The following C8orf34 variants were observed in gnomAD, a reference collection of about 807,000 sequenced individuals.
C8orf34 encodes chromosome 8 open reading frame 34.
In C8orf34, 65 loss-of-function variants were observed where a neutral mutation model predicts 68.3. The ratio of observed to expected loss-of-function variants is 0.95; its 90% CI spans 0.78 to 1.17. C8orf34 has a LOEUF of 1.17. Among genes scored for constraint, C8orf34 ranks in the 50% most tolerant of loss-of-function variants. C8orf34 has a pLI of 0.00. For synonymous variants in C8orf34, 244 were observed against 241.2 expected (o/e 1.01, Z -0.11); for missense variants, 664 against 655.4 (o/e 1.01, Z -0.14).
intron 1 of C8orf34, among the ~76,000 whole-genome samples, chr8:68,421,226 A>T (rs1439380274): frequency 1.3e-5 from 2 of 152,222 alleles, no homozygotes; most frequent in African/African-American, 4.8e-5. Flanking sequence ...CTTGGGCATT[A>T]TTCAACAGGA....
At chr8:68,704,287 G>C (rs1585755003) in intron 8 of C8orf34, among the ~76,000 whole-genome samples, 1 of 152,120 alleles carries the variant, frequency 6.6e-6, no homozygotes, top group African/African-American at 2.4e-5. Flanking sequence ...AGAAGGAAAA[G>C]CTAGAAATAA....
rs116525344 is a variant in C8orf34, at chr8:68,528,632, G to A, written c.939-4351G>A. On this transcript the variant is annotated intron_variant, in intron 6 of 13. Coordinates refer to ENST00000518698, the MANE Select transcript of C8orf34 (RefSeq NM_052958.4). ...GAAGGACACATGGCCACACTGGCCA[G>A]TATCACTGAATTCACGACCACCAAA... Among the ~76,000 whole-genome samples the A allele has an allele frequency of 3.6e-3, 555 of 152,314 alleles. 1 individual carries two copies. Among genetic ancestry groups the A allele is most frequent in the African/African-American group, 0.012 (505 of 41,566 alleles).
intron 1 of C8orf34, among the ~76,000 whole-genome samples, chr8:68,437,380 C>T (rs1255659077): frequency 6.6e-6 from 1 of 152,084 alleles, no homozygotes; most frequent in African/African-American, 2.4e-5. Flanking sequence ...CTTTAAAGTT[C>T]CATTACCTGA....
At chr8:68,536,291 C>T (rs921080034) in intron 7 of C8orf34, among the ~76,000 whole-genome samples, 5 of 129,326 alleles carry the variant, frequency 3.9e-5, no homozygotes, top group South Asian at 2.6e-4. Context: ...TCTGGAAGGT[C>T]GAGTCTGCAG....
At chr8:68,579,084 C>T (rs1816988246) in intron 7 of C8orf34, among the ~76,000 whole-genome samples, 1 of 152,094 alleles carries the variant, frequency 6.6e-6, no homozygotes, top group African/African-American at 2.4e-5. Flanking sequence ...CTGTTTTAGA[C>T]TCTGTCCCTC....
At chr8:68,770,579 A>G (rs1438428162) in intron 10 of C8orf34, among the ~76,000 whole-genome samples, 4 of 152,148 alleles carry the variant, frequency 2.6e-5, no homozygotes, top group Non-Finnish European at 5.9e-5. Context: ...CTTGTCCAAC[A>G]TCCACTGATA....
chr8:68,517,183 A>T (rs759730336), intron 5 of C8orf34, among the ~76,000 whole-genome samples: 1 of 152,166 alleles, frequency 6.6e-6, no homozygotes, highest in Non-Finnish European at 1.5e-5. Flanking sequence ...ATGTTATATG[A>T]AGTGTTTAGA....
intron 8 of C8orf34, among the ~76,000 whole-genome samples, chr8:68,650,539 G>GTA (rs1370399849): frequency 6.7e-6 from 1 of 148,252 alleles, no homozygotes. Context: ...GAGTGCAGTG[G>GTA]CAGGATCTCG....
At chr8:68,409,026 A>G (rs1373248360) in intron 1 of C8orf34, among the ~76,000 whole-genome samples, 1 of 151,952 alleles carries the variant, frequency 6.6e-6, no homozygotes, top group African/African-American at 2.4e-5. Flanking sequence ...TGACCTCATG[A>G]TACACCCGCC....
intron 5 of C8orf34, among the ~76,000 whole-genome samples, chr8:68,489,564 A>G (rs953547463): frequency 2.0e-5 from 3 of 152,308 alleles, no homozygotes; most frequent in African/African-American, 4.8e-5. Context: ...TATTCTTAGT[A>G]ATTTTGTGCA....
chr8:68,354,064 A>T (rs574803881), intron 1 of C8orf34, among the ~76,000 whole-genome samples: 1 of 152,176 alleles, frequency 6.6e-6, no homozygotes, highest in Middle Eastern at 3.4e-3. Context: ...CAAGTTGTTT[A>T]TAGTGTTTAC....
chr8:68,541,592 A>G (rs906978932), intron 7 of C8orf34, among the ~76,000 whole-genome samples: 14 of 152,234 alleles, frequency 9.2e-5, no homozygotes, highest in African/African-American at 1.7e-4. Flanking sequence ...AAGTAAGACC[A>G]TAGAAGTTTG....
chr8:68,337,602 C>T (rs1422180825), intron 1 of C8orf34, among the ~76,000 whole-genome samples: 1 of 151,938 alleles, frequency 6.6e-6, no homozygotes, highest in African/African-American at 2.4e-5. Context: ...TGTATTGTTC[C>T]TATACTTTTT....
At chr8:68,748,861 A>G (rs1467699614) in intron 10 of C8orf34, among the ~76,000 whole-genome samples, 1 of 152,228 alleles carries the variant, frequency 6.6e-6, no homozygotes, top group African/African-American at 2.4e-5. Flanking sequence ...TAGAAATACC[A>G]TTTGACCCAG....
intron 5 of C8orf34, among the ~76,000 whole-genome samples, chr8:68,513,720 G>A (rs1265550554): frequency 1.3e-5 from 2 of 152,208 alleles, no homozygotes; most frequent in Non-Finnish European, 2.9e-5. Flanking sequence ...TGAACCCCTT[G>A]TCCAGGGAAG....
At chr8:68,347,562 C>T (rs769388438) in intron 1 of C8orf34, among the ~76,000 whole-genome samples, 2 of 152,104 alleles carry the variant, frequency 1.3e-5, no homozygotes, top group Non-Finnish European at 2.9e-5. Context: ...AACGGTTGAA[C>T]TAATTTACAC....
intron 8 of C8orf34, among the ~76,000 whole-genome samples, chr8:68,653,249 C>T (rs1300239970): frequency 6.6e-6 from 1 of 152,094 alleles, no homozygotes; most frequent in African/African-American, 2.4e-5. Context: ...CTATGTGGTT[C>T]CTTTTGTTTT....
chr8:68,463,456 C>T lies in C8orf34; in HGVS notation c.608-5236C>T, dbSNP rs1401779678. ...ACTCATTTTATGAGGCCAGCATCATCCTGATACCAAAGCCGGGCAGAGACA... is the reference window on the plus strand; with the variant it reads ...ACTCATTTTATGAGGCCAGCATCATTCTGATACCAAAGCCGGGCAGAGACA... On this transcript the variant is annotated intron_variant, in intron 3 of 13. Transcript: ENST00000518698. Among the ~76,000 whole-genome samples, 19 of 152,312 alleles carry T rather than the reference C, an allele frequency of 1.2e-4. No homozygotes were observed. The South Asian group carries it at 3.7e-3, about 30-fold the overall frequency.
At chr8:68,776,003 G>A (rs1290399113) in intron 10 of C8orf34, among the ~76,000 whole-genome samples, 1 of 152,160 alleles carries the variant, frequency 6.6e-6, no homozygotes, top group Non-Finnish European at 1.5e-5. Context: ...GGGACCTGCT[G>A]TGGTGGTGGA....
Sources: gnomAD v4.1 joint callset for allele counts (sites outside exome capture counted in the v4.1 genomes callset) on GRCh38, gnomAD v4.1.1 for gene constraint, MANE v1.5 for transcripts, NCBI Gene and HGNC (gene_info 2026-07-23, HGNC 2026-07-21) for gene names.